The following LHFPL2 variants were observed in gnomAD, a reference collection of about 807,000 sequenced individuals.
LHFPL2 encodes the protein LHFPL tetraspan subfamily member 2 protein.
Under a neutral mutation model 17.5 loss-of-function variants are expected in LHFPL2, and 7 were observed. The observed-to-expected ratio is 0.40, with a 90% CI of 0.23 to 0.75. The LOEUF is 0.75. LHFPL2 is among the 30% of genes least tolerant of loss of function. LHFPL2 has a pLI of 0.37. For synonymous variants in LHFPL2, 134 were observed against 116.2 expected (o/e 1.15, Z -0.99); for missense variants, 241 against 294.8 (o/e 0.82, Z 1.34).
chr5:78,541,483 G>A (rs997586273), intron 3 of LHFPL2, among the ~76,000 whole-genome samples: 4 of 152,144 alleles, frequency 2.6e-5, no homozygotes, highest in Admixed American at 6.6e-5. Context: ...TGCTAAAGCC[G>A]TTTCACATTT....
intron 1 of LHFPL2, among the ~76,000 whole-genome samples, chr5:78,633,547 G>A (rs1401469340): frequency 2.6e-5 from 4 of 152,212 alleles, no homozygotes; most frequent in African/African-American, 9.6e-5. Flanking sequence ...GCTTGCTAAG[G>A]GCAAGTCCTG....
intron 4 of LHFPL2, among the ~76,000 whole-genome samples, chr5:78,500,681 G>C (rs145562210): frequency 1.9e-4 from 29 of 152,258 alleles, no homozygotes; most frequent in African/African-American, 6.7e-4. Context: ...ATATAACAAA[G>C]TAGGAGTTAT....
Position 78,487,238 on chromosome 5 carries a change from A to G in LHFPL2, c.*1659T>C, listed in dbSNP as rs1055555044. The G allele has an allele frequency of 6.6e-6, 1 of 152,218 alleles. No homozygotes were observed. Among genetic ancestry groups the G allele is most frequent in the Admixed American group, 6.5e-5 (1 of 15,276 alleles). 9.4% of individuals were successfully genotyped at this position (152,218 alleles called of 1,614,324 possible). A position where few individuals can be genotyped will look rare whatever the true frequency, so the allele number is the denominator to read the frequency against. ...TATAGGCCAAACACCAGAATGTAGT[A>G]AAACTGCGGTTGTCCCATTCCATCT... On this transcript the variant is annotated 3_prime_UTR_variant, in exon 5 of 5. Coordinates refer to ENST00000380345, the MANE Select transcript of LHFPL2 (RefSeq NM_005779.3).
intron 2 of LHFPL2, among the ~76,000 whole-genome samples, chr5:78,601,120 C>T (rs1027993907): frequency 1.3e-5 from 2 of 152,264 alleles, no homozygotes; most frequent in Middle Eastern, 3.4e-3. Context: ...GCAGGGAAGC[C>T]TCAGAGGAAA....
rs530587610 is a variant in LHFPL2, at chr5:78,644,134, CA to C, written c.-350+4364del. On this transcript the variant is annotated intron_variant, in intron 1 of 4. Transcript: ENST00000380345. ...AACATTTGGTAGTGTGTTAACTATA[CA>C]AAAAAGACAATGTACAATTTCAAAA... 1.1e-3 allele frequency: 577 copies of C among 508,674 alleles called. 2 individuals are homozygous for C. Among genetic ancestry groups the C allele is most frequent in the African/African-American group, 0.011 (536 of 50,750 alleles). 31.5% of individuals were successfully genotyped at this position (508,674 alleles called of 1,614,324 possible). A position where few individuals can be genotyped will look rare whatever the true frequency, so the allele number is the denominator to read the frequency against.
intron 3 of LHFPL2, among the ~76,000 whole-genome samples, chr5:78,545,672 T>G (rs924073101): frequency 6.6e-6 from 1 of 152,224 alleles, no homozygotes; most frequent in South Asian, 2.1e-4. Context: ...TCTCAAGCAG[T>G]CCCAGCTTTT....
At chr5:78,589,010 G>A (rs1455849198) in intron 2 of LHFPL2, among the ~76,000 whole-genome samples, 2 of 152,144 alleles carry the variant, frequency 1.3e-5, no homozygotes, top group Non-Finnish European at 2.9e-5. Flanking sequence ...CATAATGTGT[G>A]GCAGGTTTTA....
intron 3 of LHFPL2, among the ~76,000 whole-genome samples, chr5:78,512,971 G>T (rs571387023): frequency 7.9e-5 from 12 of 152,140 alleles, no homozygotes; most frequent in Middle Eastern, 6.8e-3. Flanking sequence ...GGCCAGGCTG[G>T]TCTCAAACTC....
chr5:78,578,366 T>G (rs992323665), intron 2 of LHFPL2, among the ~76,000 whole-genome samples: 1 of 152,102 alleles, frequency 6.6e-6, no homozygotes, highest in African/African-American at 2.4e-5. Context: ...TGAGAACCAC[T>G]TTTTGCCAGT....
At chr5:78,522,442 T>A (rs1377676811) in intron 3 of LHFPL2, among the ~76,000 whole-genome samples, 1 of 150,580 alleles carries the variant, frequency 6.6e-6, no homozygotes, top group Non-Finnish European at 1.5e-5. Context: ...TGTCTCAAAA[T>A]AAAAAAAAAA....
intron 2 of LHFPL2, among the ~76,000 whole-genome samples, chr5:78,579,074 G>C (rs1423471089): frequency 6.6e-6 from 1 of 152,168 alleles, no homozygotes; most frequent in Non-Finnish European, 1.5e-5. Context: ...TCAAGGGGTA[G>C]GTTATTTCCT....
In LHFPL2 at chr5:78,493,709, T is replaced by G. The variant is rs7700390; in HGVS notation, c.431-4556A>C. Among the ~76,000 whole-genome samples the G allele has an allele frequency of 9.2e-5, 14 of 152,110 alleles. 1 individual carries two copies. The highest frequency in any genetic ancestry group is 3.4e-4 in the African/African-American group (14 of 41,418). The stretch of plus-strand genomic sequence containing the variant: ...GTCAGCAAGAAAGAAAATAGAGACC[T>G]TTGGGTGATTGATGTATCCTGTTCT... On this transcript the variant is annotated intron_variant, in intron 4 of 4. Coordinates refer to ENST00000380345, the MANE Select transcript of LHFPL2 (RefSeq NM_005779.3).
chr5:78,502,961 T>C (rs950172509), intron 4 of LHFPL2, among the ~76,000 whole-genome samples: 6 of 152,248 alleles, frequency 3.9e-5, no homozygotes, highest in African/African-American at 1.2e-4. Flanking sequence ...TTTCTCCGCA[T>C]GTGTAGTTTT....
chr5:78,501,460 C>A (rs187524339), intron 4 of LHFPL2, among the ~76,000 whole-genome samples: 1 of 152,098 alleles, frequency 6.6e-6, no homozygotes, highest in Non-Finnish European at 1.5e-5. Flanking sequence ...GTAGAGGGTA[C>A]CTGCGTTAAG....
At chr5:78,587,887 A>G (rs1743481343) in intron 2 of LHFPL2, among the ~76,000 whole-genome samples, 1 of 152,224 alleles carries the variant, frequency 6.6e-6, no homozygotes. Context: ...CCACCTTCAG[A>G]AAGAAGCCTT....
chr5:78,520,272 C>T (rs545423660), intron 3 of LHFPL2, among the ~76,000 whole-genome samples: 11 of 152,240 alleles, frequency 7.2e-5, no homozygotes, highest in South Asian at 2.1e-4. Context: ...AAGTCATAGG[C>T]AAGGGAAAAA....
intron 3 of LHFPL2, among the ~76,000 whole-genome samples, chr5:78,536,976 C>A (rs1415463527): frequency 6.6e-6 from 1 of 152,222 alleles, no homozygotes; most frequent in East Asian, 1.9e-4. Flanking sequence ...GCTCCAGCCC[C>A]TTGCTCCTCT....
intron 2 of LHFPL2, among the ~76,000 whole-genome samples, chr5:78,617,793 C>A (rs546187344): frequency 6.6e-6 from 1 of 152,266 alleles, no homozygotes; most frequent in African/African-American, 2.4e-5. Flanking sequence ...AAATAGTTGT[C>A]ATAAGCAATA....
intron 2 of LHFPL2, among the ~76,000 whole-genome samples, chr5:78,602,226 A>G (rs1393527052): frequency 6.6e-6 from 1 of 152,230 alleles, no homozygotes; most frequent in Non-Finnish European, 1.5e-5. Flanking sequence ...AAAGAAAAAA[A>G]AATAAGGCCC....
Sources: allele counts gnomAD v4.1 joint callset (sites outside exome capture counted in the v4.1 genomes callset), GRCh38; gene constraint gnomAD v4.1.1; transcripts MANE v1.5; gene names NCBI Gene and HGNC (gene_info 2026-07-23, HGNC 2026-07-21).